MAMDC2: variants seen among roughly 807,000 people sequenced by gnomAD.
MAMDC2 encodes MAM domain containing 2, also known as MAM domain-containing protein 2.
A neutral mutation model predicts 89.8 loss-of-function variants in MAMDC2; 57 were observed. The observed-to-expected ratio is 0.63, with a 90% CI of 0.51 to 0.79. The LOEUF (loss-of-function observed/expected upper bound fraction) is 0.79, where lower values mean the gene tolerates loss of function less well. MAMDC2 is among the 30% of genes least tolerant of loss of function. MAMDC2 has a pLI of 0.00. For missense variants in MAMDC2, 800 were observed against 820.6 expected, an observed-to-expected ratio of 0.97 and a Z score of 0.31; for synonymous variants, 313 against 293.4, an observed-to-expected ratio of 1.07 and a Z score of -0.68.
intron 11 of MAMDC2, among the ~76,000 whole-genome samples, chr9:70,171,663 TCTC>T (rs1475946232): frequency 6.6e-6 from 1 of 152,120 alleles, no homozygotes; most frequent in African/African-American, 2.4e-5. Flanking sequence ...CCTCATGAAT[TCTC>T]CTAGAGAAAC....
At chr9:70,188,544 A>T (rs1587554724) in intron 11 of MAMDC2, 1 of 151,956 alleles carries the variant, frequency 6.6e-6, no homozygotes, top group South Asian at 2.1e-4. Flanking sequence ...TTTACAAGTA[A>T]TTTTTTAAAA....
intron 11 of MAMDC2, among the ~76,000 whole-genome samples, chr9:70,197,329 G>C (rs1017667055): frequency 3.9e-5 from 6 of 152,116 alleles, no homozygotes; most frequent in Non-Finnish European, 8.8e-5. Flanking sequence ...AGGCTTTCTG[G>C]GGATTGATGA....
Position 70,044,141 on chromosome 9 carries a change from G to T in MAMDC2, c.-57G>T. ...CGATCCCTTTCACTAGGAGCAGCCA[G>T]TCCCAGCGGGCTGGCAACTTGCACC... is the stretch of plus-strand genomic sequence containing the variant. On this transcript the variant is annotated 5_prime_UTR_variant, in exon 1 of 14. Transcript: ENST00000377182. The T allele has an allele frequency of 3.7e-6, 6 of 1,606,438 alleles. No homozygotes were observed. The highest frequency in any genetic ancestry group is 5.1e-6 in the Non-Finnish European group (6 of 1,174,194).
intron 2 of MAMDC2, among the ~76,000 whole-genome samples, chr9:70,082,248 G>C (rs1209444285): frequency 6.6e-6 from 1 of 152,040 alleles, no homozygotes; most frequent in East Asian, 1.9e-4. Context: ...ATAAATAAAT[G>C]ATATAGAGAA....
chr9:70,217,381 G>A (rs183397420), intron 11 of MAMDC2: 1 of 1,328,994 alleles, frequency 7.5e-7, no homozygotes, highest in Non-Finnish European at 1.1e-6. Flanking sequence ...CAAAAAGGGA[G>A]AGTCGGAAGA....
At chr9:70,221,827 A>C (rs1159435840) in intron 12 of MAMDC2, among the ~76,000 whole-genome samples, 2 of 152,106 alleles carry the variant, frequency 1.3e-5, no homozygotes, top group African/African-American at 4.8e-5. Flanking sequence ...AGGAAGAAGA[A>C]GTCAAGTTGA....
At chr9:70,171,758 T>C (rs1423918257) in intron 11 of MAMDC2, among the ~76,000 whole-genome samples, 2 of 152,206 alleles carry the variant, frequency 1.3e-5, no homozygotes, top group African/African-American at 4.8e-5. Flanking sequence ...TTTTGGCTTC[T>C]CTGGGCCACA....
At chr9:70,224,694 G>A (rs1266041358) in intron 12 of MAMDC2, among the ~76,000 whole-genome samples, 2 of 152,084 alleles carry the variant, frequency 1.3e-5, no homozygotes, top group African/African-American at 4.8e-5. Context: ...CAATTCAAAC[G>A]CCAATCTCTT....
At chr9:70,188,205 AT>A (rs1228287733) in intron 11 of MAMDC2, among the ~76,000 whole-genome samples, 1 of 152,168 alleles carries the variant, frequency 6.6e-6, no homozygotes, top group African/African-American at 2.4e-5. Flanking sequence ...GTATATTTGA[AT>A]CTAAAGTGTG....
rs576046615 is a variant in MAMDC2 at position 70,143,888 on chromosome 9, G to T, written c.1404+69G>T. ...GACTAGTTTTGTGAATGTCCGTCTA[G>T]CTACTGTCAACTGGTGATGTATTAT... On this transcript the variant is annotated intron_variant, in intron 9 of 13. Coordinates refer to ENST00000377182, the MANE Select transcript of MAMDC2 (RefSeq NM_153267.5). 2.1e-5 allele frequency: 33 copies of T among 1,553,872 alleles called. No individual in the cohort carries two copies. The East Asian group carries it at 6.7e-4, about 32-fold the overall frequency.
Position 70,140,253 on chromosome 9 carries a change from A to C in MAMDC2, c.1103A>C (p.Asn368Thr). 6.2e-7 allele frequency: 1 copy of C among 1,602,420 alleles called. No individual in the cohort carries two copies. The highest frequency in any genetic ancestry group is 8.5e-7 in the Non-Finnish European group (1 of 1,175,988). ...PGWTRVKVKP[N>T]MYRAGDHTTG... ...TGGACCCGAGTGAAAGTAAAACCAA[A>C]CATGTATCGGGCTGGAGACCACACT... The change falls in exon 8 of 14, where the codon AAC becomes ACC. Residue 368 changes from asparagine (N) to threonine (T), a missense_variant. Coordinates refer to ENST00000377182, the MANE Select transcript of MAMDC2 (RefSeq NM_153267.5).
At chr9:70,135,595 G>A (rs929598338) in intron 7 of MAMDC2, among the ~76,000 whole-genome samples, 1 of 152,122 alleles carries the variant, frequency 6.6e-6, no homozygotes, top group African/African-American at 2.4e-5. Flanking sequence ...TATCACCATG[G>A]AGAGAAGTGA....
In MAMDC2 at chr9:70,188,382, C is replaced by G. The variant is rs971411038; in HGVS notation, c.1651+17751C>G. 5.7e-3 allele frequency among the ~76,000 whole-genome samples: 861 copies of G among 152,018 alleles called. 9 individuals are homozygous for G. Among genetic ancestry groups the G allele is most frequent in the African/African-American group, 0.02 (832 of 41,488 alleles). ...TTGTTTTCTGTATGTATTACATCTT[C>G]TTTTTGTTCCTTTATTCTATTACTG... On this transcript the variant is annotated intron_variant, in intron 11 of 13. Transcript: ENST00000377182.
chr9:70,044,283 C>A (rs1563928739), intron 1 of MAMDC2, 52 bp downstream of exon 1: 8 of 1,587,088 alleles, frequency 5.0e-6, no homozygotes, highest in Non-Finnish European at 5.2e-6. Flanking sequence ...GACTCGCCCC[C>A]GCTCCTGCTG....
chr9:70,225,659 C>A (rs1175516052), intron 12 of MAMDC2, 91 bp from the exon 13 acceptor site: 1 of 753,304 alleles, frequency 1.3e-6, no homozygotes, highest in East Asian at 2.7e-5. Context: ...GAGCAATCTA[C>A]GTTTTCATAT....
intron 9 of MAMDC2, among the ~76,000 whole-genome samples, chr9:70,165,187 G>A (rs1192648145): frequency 2.0e-5 from 3 of 152,114 alleles, no homozygotes; most frequent in Admixed American, 6.6e-5. Context: ...TGGACCCAGA[G>A]GGTAAGTCCT....
At chr9:70,192,743 G>A (rs1299267490) in intron 11 of MAMDC2, among the ~76,000 whole-genome samples, 1 of 151,832 alleles carries the variant, frequency 6.6e-6, no homozygotes, top group Non-Finnish European at 1.5e-5. Context: ...GTACCATTTT[G>A]ATAGTTACAG....
At chr9:70,148,934 CAGG>C (rs1489769928) in intron 9 of MAMDC2, among the ~76,000 whole-genome samples, 1 of 147,308 alleles carries the variant, frequency 6.8e-6, no homozygotes, top group Admixed American at 6.9e-5. Context: ...GAGGCTGAGG[CAGG>C]AGAATGGCGT....
At chr9:70,196,276 TTCTA>T (rs1046767874) in intron 11 of MAMDC2, among the ~76,000 whole-genome samples, 34 of 152,246 alleles carry the variant, frequency 2.2e-4, no homozygotes, top group African/African-American at 8.2e-4. Flanking sequence ...CCATATCACC[TTCTA>T]TCTGTGACAC....
Sources: allele counts gnomAD v4.1 joint callset (sites outside exome capture counted in the v4.1 genomes callset), GRCh38; gene constraint gnomAD v4.1.1; transcripts MANE v1.5; gene names NCBI Gene and HGNC (gene_info 2026-07-23, HGNC 2026-07-21).